NOS1AP: variants seen among roughly 807,000 people sequenced by gnomAD.
NOS1AP encodes nitric oxide synthase 1 adaptor protein.
NOS1AP carries 21 observed loss-of-function variants against 56.2 expected under a neutral mutation model. The observed-to-expected ratio is 0.37, with a 90% CI of 0.26 to 0.54. The LOEUF is 0.54. NOS1AP is among the 20% of genes least tolerant of loss of function. The pLI is 0.84. For synonymous variants in NOS1AP, 270 were observed against 274.6 expected (o/e 0.98, Z 0.17); for missense variants, 522 against 657.8 (o/e 0.79, Z 2.26).
At chr1:162,149,564 C>A (rs1371036979) in intron 1 of NOS1AP, among the ~76,000 whole-genome samples, 2 of 152,212 alleles carry the variant, frequency 1.3e-5, no homozygotes, top group African/African-American at 4.8e-5. Context: ...TATTCACATA[C>A]CACACCCTCT....
intron 4 of NOS1AP, among the ~76,000 whole-genome samples, chr1:162,329,561 G>A (rs1007734515): frequency 6.6e-6 from 1 of 152,090 alleles, no homozygotes; most frequent in South Asian, 2.1e-4. Flanking sequence ...TGACTTAAGG[G>A]TAAAGATGAA....
chr1:162,330,012 A>G (rs919014824), intron 4 of NOS1AP, among the ~76,000 whole-genome samples: 3 of 152,242 alleles, frequency 2.0e-5, no homozygotes, highest in African/African-American at 7.2e-5. Flanking sequence ...GTTAAGGTTA[A>G]GTTAACCTTG....
intron 2 of NOS1AP, among the ~76,000 whole-genome samples, chr1:162,268,323 T>C (rs74230397): frequency 1.0e-5 from 1 of 96,824 alleles, no homozygotes; most frequent in South Asian, 4.0e-4. Context: ...TCCCCCCCCC[T>C]ATTTCTAGAA....
intron 1 of NOS1AP, among the ~76,000 whole-genome samples, chr1:162,132,306 C>T (rs972497781): frequency 2.6e-5 from 4 of 152,150 alleles, no homozygotes; most frequent in African/African-American, 7.2e-5. Context: ...TCAAATATGC[C>T]TCCCCAGGCA....
At position 162,369,101 on chromosome 1, in the gene NOS1AP, A is replaced by T. The variant is rs1245507938; in HGVS notation, c.*1634A>T. On this transcript the variant is annotated 3_prime_UTR_variant, in exon 10 of 10. Transcript: ENST00000361897. ...GTGTGTTTTGTGTGTGTGTGTACAC[A>T]TGTGTTTATATATACATGTGTGAGG... 1 of 152,186 alleles carries T rather than the reference A, an allele frequency of 6.6e-6. No homozygotes were observed. The highest frequency in any genetic ancestry group is 1.9e-4 in the East Asian group (1 of 5,190). 9.4% of individuals were successfully genotyped at this position (152,186 alleles called of 1,614,324 possible).
At chr1:162,216,403 T>C (rs1316378030) in intron 2 of NOS1AP, among the ~76,000 whole-genome samples, 10 of 152,224 alleles carry the variant, frequency 6.6e-5, no homozygotes, top group African/African-American at 2.4e-4. Context: ...GTGGGGACAT[T>C]AATGACACCT....
chr1:162,250,371 A>G (rs1401410822), intron 2 of NOS1AP, among the ~76,000 whole-genome samples: 1 of 152,362 alleles, frequency 6.6e-6, no homozygotes, highest in Admixed American at 6.5e-5. Context: ...AGGTTAAAAA[A>G]GAATATCCAC....
chr1:162,251,366 C>T (rs577484283), intron 2 of NOS1AP, among the ~76,000 whole-genome samples: 1 of 152,272 alleles, frequency 6.6e-6, no homozygotes, highest in South Asian at 2.1e-4. Context: ...TCATTTTCTA[C>T]TACCTTGTCA....
In NOS1AP at chr1:162,234,192, G is replaced by A. The variant is rs576558948; in HGVS notation, c.178-53152G>A. On this transcript the variant is annotated intron_variant, in intron 2 of 9. Coordinates refer to ENST00000361897, the MANE Select transcript of NOS1AP (RefSeq NM_014697.3). ...GCATGGTATCTGGACCTTGAGAAAT[G>A]GGTATCATTCCAGTACATGAAGATG... is the stretch of plus-strand genomic sequence containing the variant. 1.7e-4 allele frequency among the ~76,000 whole-genome samples: 26 copies of A among 152,262 alleles called. No homozygotes were observed. In the South Asian group the frequency reaches 5.2e-3, roughly 30 times the overall value.
At position 162,289,464 on chromosome 1, in the gene NOS1AP, C is replaced by CTTTTTTT. The variant is rs565786964; in HGVS notation, c.270+2032_270+2033insTTTTTTT. Among the ~76,000 whole-genome samples, 21 of 45,050 alleles carry CTTTTTTT rather than the reference C, an allele frequency of 4.7e-4. 10 individuals are homozygous for CTTTTTTT. Among genetic ancestry groups the CTTTTTTT allele is most frequent in the African/African-American group, 6.3e-4 (8 of 12,644 alleles). 29.6% of individuals were successfully genotyped at this position (45,050 alleles called of 152,430 possible). A position where few individuals can be genotyped will look rare whatever the true frequency, so the allele number is the denominator to read the frequency against. Reference sequence around the variant, plus strand: ...TGGCGCCTGCCACCACGCCCAGCTACTTTTCTTTTTTTTTTTTTTTTTTTT... The same window carrying CTTTTTTT: ...TGGCGCCTGCCACCACGCCCAGCTACTTTTTTTTTTTCTTTTTTTTTTTTTTTTTTTT... On this transcript the variant is annotated intron_variant, in intron 3 of 9. Coordinates refer to ENST00000361897, the MANE Select transcript of NOS1AP (RefSeq NM_014697.3).
At chr1:162,269,085 A>G (rs997950053) in intron 2 of NOS1AP, among the ~76,000 whole-genome samples, 1 of 152,240 alleles carries the variant, frequency 6.6e-6, no homozygotes, top group African/African-American at 2.4e-5. Context: ...AGCACACCAA[A>G]GATCAATTTC....
chr1:162,277,478 C>G (rs978136187), intron 2 of NOS1AP, among the ~76,000 whole-genome samples: 1 of 152,184 alleles, frequency 6.6e-6, no homozygotes, highest in Admixed American at 6.5e-5. Flanking sequence ...TTCTCTCTTC[C>G]CAGCCACCTT....
At chr1:162,250,710 T>C (rs1653821152) in intron 2 of NOS1AP, among the ~76,000 whole-genome samples, 1 of 152,222 alleles carries the variant, frequency 6.6e-6, no homozygotes, top group Non-Finnish European at 1.5e-5. Context: ...GGCATTTGCC[T>C]ACTTGTTACA....
chr1:162,229,980 A>T (rs1032547017), intron 2 of NOS1AP, among the ~76,000 whole-genome samples: 1 of 152,178 alleles, frequency 6.6e-6, no homozygotes, highest in Non-Finnish European at 1.5e-5. Context: ...AAGAATTATT[A>T]ACTAGTAAAT....
At chr1:162,236,030 C>A (rs1468638962) in intron 2 of NOS1AP, among the ~76,000 whole-genome samples, 10 of 152,178 alleles carry the variant, frequency 6.6e-5, no homozygotes, top group Admixed American at 5.9e-4. Context: ...TTTCATGTCA[C>A]TTCCCCAGTC....
At chr1:162,327,473 C>T (rs1181025380) in intron 4 of NOS1AP, among the ~76,000 whole-genome samples, 1 of 152,074 alleles carries the variant, frequency 6.6e-6, no homozygotes, top group Non-Finnish European at 1.5e-5. Context: ...CAGGAATTAC[C>T]AACTAGTGAA....
intron 2 of NOS1AP, among the ~76,000 whole-genome samples, chr1:162,178,938 A>G (rs1651160576): frequency 6.6e-6 from 1 of 152,012 alleles, no homozygotes; most frequent in Admixed American, 6.5e-5. Flanking sequence ...AGGTCCTGGA[A>G]TTACCAGGAT....
chr1:162,111,656 A>G (rs1281942255), intron 1 of NOS1AP, among the ~76,000 whole-genome samples: 1 of 152,226 alleles, frequency 6.6e-6, no homozygotes, highest in Non-Finnish European at 1.5e-5. Flanking sequence ...ATTACCAAAA[A>G]AGTTGCTGCA....
chr1:162,107,532 T>G (rs1178168656), intron 1 of NOS1AP, among the ~76,000 whole-genome samples: 1 of 152,154 alleles, frequency 6.6e-6, no homozygotes, highest in African/African-American at 2.4e-5. Flanking sequence ...TTTGTAGAGA[T>G]GGGGTCTTGT....
Sources: allele counts gnomAD v4.1 joint callset (sites outside exome capture counted in the v4.1 genomes callset), GRCh38; gene constraint gnomAD v4.1.1; transcripts MANE v1.5; gene names NCBI Gene and HGNC (gene_info 2026-07-23, HGNC 2026-07-21).